Variants in ZSWIM6 observed in about 807,000 individuals in gnomAD.
ZSWIM6 encodes the protein zinc finger SWIM-type containing 6, also known as zinc finger SWIM domain-containing protein 6.
In ZSWIM6, 9 loss-of-function variants were observed where a neutral mutation model predicts 113.2. The observed-to-expected ratio is 0.08, with a 90% confidence interval of 0.05 to 0.14. The LOEUF (loss-of-function observed/expected upper bound fraction) is 0.14. Ranked by LOEUF, ZSWIM6 falls within the 10% of genes least tolerant of loss-of-function variation. ZSWIM6 has a pLI of 1.00. For missense variants in ZSWIM6, 1,162 were observed against 1,552.2 expected, an observed-to-expected ratio of 0.75 and a Z score of 4.22; for synonymous variants, 611 against 606.5, an observed-to-expected ratio of 1.01 and a Z score of -0.11.
intron 1 of ZSWIM6, among the ~76,000 whole-genome samples, chr5:61,411,488 C>A (rs907783489): frequency 6.6e-5 from 10 of 152,200 alleles, no homozygotes; most frequent in African/African-American, 2.4e-4. Flanking sequence ...TCAACCTTGT[C>A]TTTAATAAGA....
chr5:61,456,890 C>CTTTT (rs57188174), intron 1 of ZSWIM6, among the ~76,000 whole-genome samples: 1 of 142,754 alleles, frequency 7.0e-6, no homozygotes, highest in African/African-American at 2.6e-5. Context: ...TATCCAATTT[C>CTTTT]TTTTTTTTTT....
In ZSWIM6 at chr5:61,485,053, G is replaced by T. The variant is rs554863551; in HGVS notation, c.1034-5733G>T. On this transcript the variant is annotated intron_variant, in intron 2 of 13. Transcript: ENST00000252744. ...TTTAAGTAAGAATTCTTTTTCCAGG[G>T]GGGAAAATGTATATGTGCATTTCTC... is the stretch of plus-strand genomic sequence containing the variant. Among the ~76,000 whole-genome samples, 4 of 152,178 alleles carry T rather than the reference G, an allele frequency of 2.6e-5. No homozygotes were observed. The East Asian group carries it at 7.7e-4, about 29-fold the overall frequency.
At chr5:61,377,782 G>C (rs939007693) in intron 1 of ZSWIM6, among the ~76,000 whole-genome samples, 2 of 149,934 alleles carry the variant, frequency 1.3e-5, no homozygotes, top group Non-Finnish European at 3.0e-5. Flanking sequence ...CACAAAGATA[G>C]ACAAATTTCC....
intron 1 of ZSWIM6, among the ~76,000 whole-genome samples, chr5:61,366,122 T>C (rs1745144933): frequency 6.6e-6 from 1 of 152,214 alleles, no homozygotes; most frequent in South Asian, 2.1e-4. Flanking sequence ...TTTGAACTCC[T>C]GGGCTCTCAG....
intron 10 of ZSWIM6, among the ~76,000 whole-genome samples, chr5:61,537,025 T>C (rs975253427): frequency 1.3e-5 from 2 of 152,224 alleles, no homozygotes; most frequent in Admixed American, 6.5e-5. Context: ...ACTCTATACT[T>C]ACTCAAATCT....
At chr5:61,456,006 G>C (rs1747198732) in intron 1 of ZSWIM6, among the ~76,000 whole-genome samples, 1 of 151,972 alleles carries the variant, frequency 6.6e-6, no homozygotes, top group Non-Finnish European at 1.5e-5. Flanking sequence ...TGCCTATTTA[G>C]TACTACTGTC....
intron 1 of ZSWIM6, chr5:61,375,055 G>C: frequency 2.0e-6 from 3 of 1,488,812 alleles, no homozygotes; most frequent in Non-Finnish European, 2.8e-6. Flanking sequence ...ATATTAAAGG[G>C]TAAGTCTCTC....
At chr5:61,349,541 T>A (rs893284958) in intron 1 of ZSWIM6, among the ~76,000 whole-genome samples, 1 of 152,184 alleles carries the variant, frequency 6.6e-6, no homozygotes. Context: ...AGTAGGCTGG[T>A]TTTCAGTACT....
chr5:61,396,930 A>G (rs912901388), intron 1 of ZSWIM6, among the ~76,000 whole-genome samples: 1 of 152,216 alleles, frequency 6.6e-6, no homozygotes, highest in African/African-American at 2.4e-5. Flanking sequence ...TATAAACATA[A>G]TAACAATAAA....
At chr5:61,353,231 A>C (rs1280745404) in intron 1 of ZSWIM6, among the ~76,000 whole-genome samples, 1 of 152,032 alleles carries the variant, frequency 6.6e-6, no homozygotes, top group Non-Finnish European at 1.5e-5. Context: ...TTTGAAACAC[A>C]TTTATTTGCC....
intron 2 of ZSWIM6, among the ~76,000 whole-genome samples, chr5:61,489,169 A>G (rs1013348309): frequency 1.3e-5 from 2 of 151,958 alleles, no homozygotes; most frequent in Non-Finnish European, 2.9e-5. Flanking sequence ...TTCTTCTCAC[A>G]TGCAGACCCT....
chr5:61,379,913 A>G (rs1745442605), intron 1 of ZSWIM6, among the ~76,000 whole-genome samples: 1 of 152,176 alleles, frequency 6.6e-6, no homozygotes, highest in Non-Finnish European at 1.5e-5. Flanking sequence ...TCTTTGAAAA[A>G]GCACTATTAG....
rs1181794596 is a variant in ZSWIM6, at chr5:61,538,916, C to T, written c.2484C>T (p.Ser828=). 1 of 1,552,194 alleles carries T rather than the reference C, an allele frequency of 6.4e-7. No individual in the cohort carries two copies. Among genetic ancestry groups the T allele is most frequent in the Non-Finnish European group, 8.7e-7 (1 of 1,147,096 alleles). The change falls in exon 11 of 14, where the codon AGC becomes AGT. Residue 828 remains serine (S), a synonymous_variant. Coordinates refer to ENST00000252744, the MANE Select transcript of ZSWIM6 (RefSeq NM_020928.2). ...GCTACCCTCGCTGGTTCACTCTAAGCCACATTGAGTCCCAGCAGTGTGAGC... is the reference window on the plus strand; with the variant it reads ...GCTACCCTCGCTGGTTCACTCTAAGTCACATTGAGTCCCAGCAGTGTGAGC... ...PNRYPRWFTL[S]HIESQQCELA...
At chr5:61,396,692 G>T (rs572957305) in intron 1 of ZSWIM6, among the ~76,000 whole-genome samples, 1 of 151,860 alleles carries the variant, frequency 6.6e-6, no homozygotes, top group South Asian at 2.1e-4. Flanking sequence ...ATATTGGCCT[G>T]GTTTAAATAG....
At chr5:61,432,900 C>CTCATTAAA (rs989293897) in intron 1 of ZSWIM6, among the ~76,000 whole-genome samples, 9 of 152,170 alleles carry the variant, frequency 5.9e-5, no homozygotes, top group African/African-American at 2.2e-4. Context: ...CTTCCATACC[C>CTCATTAAA]TTACCCTCAT....
chr5:61,450,070 A>G (rs1015013636), intron 1 of ZSWIM6, among the ~76,000 whole-genome samples: 13 of 152,304 alleles, frequency 8.5e-5, no homozygotes, highest in Admixed American at 6.5e-4. Context: ...CCAAATTGAT[A>G]TATCCCTGTC....
chr5:61,515,409 AC>A (rs926135301), intron 4 of ZSWIM6, among the ~76,000 whole-genome samples: 1 of 152,204 alleles, frequency 6.6e-6, no homozygotes. Flanking sequence ...TGCTGGGATT[AC>A]AGGCGTGAGC....
chr5:61,461,934 A>C (rs1247481700), intron 1 of ZSWIM6, among the ~76,000 whole-genome samples: 1 of 152,202 alleles, frequency 6.6e-6, no homozygotes, highest in Admixed American at 6.5e-5. Flanking sequence ...TATGTATTTA[A>C]GAAAAAATGT....
chr5:61,406,690 TTTTATTTATTTA>T (rs3067225), intron 1 of ZSWIM6, among the ~76,000 whole-genome samples: 27 of 145,930 alleles, frequency 1.9e-4, no homozygotes, highest in East Asian at 7.9e-4. Flanking sequence ...CTCAGAAATC[TTTTATTTATTTA>T]TTTATTTATT....
Sources: gnomAD v4.1 joint callset for allele counts (sites outside exome capture counted in the v4.1 genomes callset) on GRCh38, gnomAD v4.1.1 for gene constraint, MANE v1.5 for transcripts, NCBI Gene and HGNC (gene_info 2026-07-23, HGNC 2026-07-21) for gene names.